Variants in FIBCD1 observed in about 807,000 individuals in gnomAD.
FIBCD1 encodes the protein fibrinogen C domain containing 1, also known as fibrinogen C domain-containing protein 1.
In FIBCD1, 47 loss-of-function variants were observed where a neutral mutation model predicts 45.1. That is an observed-to-expected ratio of 1.04 (90% CI 0.82 to 1.33). FIBCD1 has a LOEUF of 1.33. Among genes scored for constraint, FIBCD1 ranks in the 40% most tolerant of loss-of-function variants. FIBCD1 has a pLI of 0.00. For synonymous variants in FIBCD1, 313 were observed against 308.1 expected (o/e 1.02, Z -0.17); for missense variants, 653 against 682.2 (o/e 0.96, Z 0.48).
At chr9:130,931,543 G>A (rs889115718) in intron 1 of FIBCD1, among the ~76,000 whole-genome samples, 3 of 152,028 alleles carry the variant, frequency 2.0e-5, no homozygotes, top group Non-Finnish European at 2.9e-5. Context: ...AAACAAAAAC[G>A]GAAACGAAGG....
intron 5 of FIBCD1, among the ~76,000 whole-genome samples, chr9:130,909,594 A>G (rs558317920): frequency 2.0e-5 from 3 of 152,158 alleles, no homozygotes; most frequent in Non-Finnish European, 4.4e-5. Context: ...TATCTCAAGA[A>G]CAACCAGAAA....
At chr9:130,934,520 C>T (rs1427895556) in intron 1 of FIBCD1, among the ~76,000 whole-genome samples, 4 of 152,204 alleles carry the variant, frequency 2.6e-5, no homozygotes, top group Non-Finnish European at 5.9e-5. Flanking sequence ...CTCTGCCCCT[C>T]CGGGAGGTTC....
Position 130,918,846 on chromosome 9 carries a change from A to G in FIBCD1, c.849+4898T>C, listed in dbSNP as rs1054495794. Among the ~76,000 whole-genome samples the G allele has an allele frequency of 7.9e-5, 12 of 152,288 alleles. 1 individual carries two copies. The highest frequency in any genetic ancestry group is 2.1e-4 in the South Asian group (1 of 4,820). ...TCGGACAGGTTGCAGAACCTTTCTG[A>G]GTCTGTTTCTCTCTGCATAAGCCCG... is the stretch of plus-strand genomic sequence containing the variant. On this transcript the variant is annotated intron_variant, in intron 4 of 6. Transcript: ENST00000372338.
chr9:130,931,091 A>G (rs1832442870), intron 1 of FIBCD1, among the ~76,000 whole-genome samples: 1 of 152,100 alleles, frequency 6.6e-6, no homozygotes, highest in South Asian at 2.1e-4. Context: ...CCCCTGGCAG[A>G]GCAAATGCCA....
At chr9:130,921,244 T>C (rs1216327091) in intron 4 of FIBCD1, among the ~76,000 whole-genome samples, 1 of 152,224 alleles carries the variant, frequency 6.6e-6, no homozygotes, top group African/African-American at 2.4e-5. Flanking sequence ...GCATTGGCGC[T>C]GAAGGCCTAG....
At chr9:130,914,425 G>C (rs1160150017) in intron 4 of FIBCD1, among the ~76,000 whole-genome samples, 1 of 152,254 alleles carries the variant, frequency 6.6e-6, no homozygotes, top group Non-Finnish European at 1.5e-5. Context: ...AGACTTGGAG[G>C]TTGGGGAGAG....
At chr9:130,936,559 A>T (rs933407509) in intron 1 of FIBCD1, among the ~76,000 whole-genome samples, 5 of 152,262 alleles carry the variant, frequency 3.3e-5, no homozygotes, top group Admixed American at 2.6e-4. Context: ...CCCAGGGAGC[A>T]GCAGAGGAAG....
chr9:130,914,918 C>A (rs1832131459), intron 4 of FIBCD1, among the ~76,000 whole-genome samples: 1 of 152,230 alleles, frequency 6.6e-6, no homozygotes. Flanking sequence ...CCTCCCCAAA[C>A]CCTTTCCCCG....
At chr9:130,904,526 G>C (rs191968576) in intron 6 of FIBCD1, among the ~76,000 whole-genome samples, 1 of 152,150 alleles carries the variant, frequency 6.6e-6, no homozygotes, top group Non-Finnish European at 1.5e-5. Context: ...CAGCTCACAC[G>C]CACGCAGTCC....
chr9:130,917,733 G>A (rs1229860561), intron 4 of FIBCD1, among the ~76,000 whole-genome samples: 2 of 152,210 alleles, frequency 1.3e-5, no homozygotes, highest in Admixed American at 6.5e-5. Context: ...GTGCCGTAGA[G>A]GATGACCACG....
chr9:130,927,277 A>G (rs1327684623), intron 2 of FIBCD1, among the ~76,000 whole-genome samples: 2 of 152,112 alleles, frequency 1.3e-5, no homozygotes, highest in African/African-American at 4.8e-5. Context: ...GGAGTTTTCA[A>G]TAGTGGCATG....
intron 5 of FIBCD1, among the ~76,000 whole-genome samples, chr9:130,908,813 G>T (rs1429859210): frequency 6.6e-6 from 1 of 152,140 alleles, no homozygotes; most frequent in Non-Finnish European, 1.5e-5. Context: ...TGGGCACCAG[G>T]GCACGGCAGG....
intron 5 of FIBCD1, among the ~76,000 whole-genome samples, chr9:130,911,136 G>A (rs1049967699): frequency 2.0e-5 from 3 of 152,156 alleles, no homozygotes; most frequent in Admixed American, 1.3e-4. Context: ...TTGGGTCCAC[G>A]CTGCTTTTAT....
In FIBCD1 at chr9:130,929,555, C is replaced by A. The variant is rs1251868008; in HGVS notation, c.552+12G>T. 3.3e-6 allele frequency: 5 copies of A among 1,500,050 alleles called. No homozygotes were observed. Among genetic ancestry groups the A allele is most frequent in the African/African-American group, 2.8e-5 (2 of 70,364 alleles). The allele number at this position is 1,500,050 out of a possible 1,614,324, so 92.9% of individuals were successfully genotyped here. A position where few individuals can be genotyped will look rare whatever the true frequency, so the allele number is the denominator to read the frequency against. On this transcript the variant is annotated intron_variant, in intron 2 of 6. Transcript: ENST00000372338. Reference sequence around the variant, plus strand: ...CTCCAGCAAGACCCCAAGATGCAGACCCCAGCCCTACCTGGATGAGGCGGC... The same window carrying A: ...CTCCAGCAAGACCCCAAGATGCAGAACCCAGCCCTACCTGGATGAGGCGGC...
chr9:130,930,376 AGGGAGATGCGGGGAGACATG>A (rs1455885011), intron 1 of FIBCD1, among the ~76,000 whole-genome samples: 1 of 148,944 alleles, frequency 6.7e-6, no homozygotes, highest in African/African-American at 2.5e-5. Context: ...AGGGAGACGC[AGGGAGATGCGGGGAGACATG>A]GGGAGATGCG....
At chr9:130,930,400 A>G (rs1832429523) in intron 1 of FIBCD1, among the ~76,000 whole-genome samples, 1 of 150,028 alleles carries the variant, frequency 6.7e-6, no homozygotes, top group Non-Finnish European at 1.5e-5. Flanking sequence ...AGACATGGGG[A>G]GATGCGGGGA....
At chr9:130,917,075 GC>G (rs1326055356) in intron 4 of FIBCD1, among the ~76,000 whole-genome samples, 1 of 152,052 alleles carries the variant, frequency 6.6e-6, no homozygotes, top group Non-Finnish European at 1.5e-5. Flanking sequence ...TCCAGCCTGG[GC>G]AACAGAGTGA....
In FIBCD1 at chr9:130,938,747, G is replaced by T; in HGVS notation, c.-140C>A. On this transcript the variant is annotated 5_prime_UTR_variant, in exon 1 of 7. Coordinates refer to ENST00000372338, the MANE Select transcript of FIBCD1 (RefSeq NM_032843.5). ...TCTGTGCCCCGCGCCGGGGCGGCCCGGGAGCGGGCGGGCGTGTGAGGATGA... is the reference window on the plus strand; with the variant it reads ...TCTGTGCCCCGCGCCGGGGCGGCCCTGGAGCGGGCGGGCGTGTGAGGATGA... 2 of 272,628 alleles carry T rather than the reference G, an allele frequency of 7.3e-6. No homozygotes were observed. Among genetic ancestry groups the T allele is most frequent in the South Asian group, 2.8e-4 (2 of 7,236 alleles). 16.9% of individuals were successfully genotyped at this position (272,628 alleles called of 1,614,324 possible). A position where few individuals can be genotyped will look rare whatever the true frequency, so the allele number is the denominator to read the frequency against.
Position 130,929,963 on chromosome 9 carries a change from GA to G in FIBCD1, c.155del (p.Leu52ProfsTer3). ...LLAVAVTGAV[L>X]FLNHAHAPGT... ...CCGGCGCGTGGGCGTGGTTCAGGAA[GA>G]GCACGGCACCGGTGACAGCTACAGC... On this transcript the variant is annotated frameshift_variant, in exon 2 of 7. Transcript: ENST00000372338. LOFTEE classifies it high-confidence loss of function. 1 of 1,549,420 alleles carries G rather than the reference GA, an allele frequency of 6.5e-7. No individual in the cohort carries two copies. Among genetic ancestry groups the G allele is most frequent in the South Asian group, 1.2e-5 (1 of 83,768 alleles).
Sources: allele counts gnomAD v4.1 joint callset (sites outside exome capture counted in the v4.1 genomes callset), GRCh38; gene constraint gnomAD v4.1.1; transcripts MANE v1.5; gene names NCBI Gene and HGNC (gene_info 2026-07-23, HGNC 2026-07-21).